CDC40: variants seen among roughly 807,000 people sequenced by gnomAD.
The protein encoded by CDC40 is cell division cycle 40, also known as pre-mRNA-processing factor 17.
A neutral mutation model predicts 80.6 loss-of-function variants in CDC40; 27 were observed. The ratio of observed to expected loss-of-function variants is 0.33; its 90% confidence interval spans 0.25 to 0.46. The LOEUF is 0.46. CDC40 is among the 20% of genes least tolerant of loss of function. The pLI, the probability that CDC40 is intolerant of heterozygous loss-of-function variation, is 1.00. For synonymous variants in CDC40, 221 were observed against 232.6 expected (o/e 0.95, Z 0.45); for missense variants, 486 against 694.1 (o/e 0.70, Z 3.37).
chr6:110,226,096 T>C, intron 12 of CDC40, 71 bp from the exon 13 acceptor site: 3 of 782,218 alleles, frequency 3.8e-6, no homozygotes, highest in Non-Finnish European at 6.7e-6. Flanking sequence ...TATTATTCCT[T>C]TGTTCCAGAG....
At chr6:110,220,735 GCA>G (rs1554208753) in intron 12 of CDC40, among the ~76,000 whole-genome samples, 17 of 152,208 alleles carry the variant, frequency 1.1e-4, no homozygotes, top group East Asian at 5.8e-4. Flanking sequence ...GTGAGCCACT[GCA>G]CCCAGCCAGA....
intron 1 of CDC40, among the ~76,000 whole-genome samples, chr6:110,188,388 C>G (rs144174040): frequency 1.3e-5 from 2 of 152,102 alleles, no homozygotes; most frequent in Non-Finnish European, 2.9e-5. Context: ...AACCTGTTAA[C>G]TTTATAGTAC....
In CDC40 at chr6:110,230,091, T is replaced by C; in HGVS notation, c.1700T>C (p.Ile567Thr). The change falls in exon 15 of 15, where the codon ATA (isoleucine) becomes ACA (threonine). Residue 567 changes from isoleucine (I) to threonine (T), a missense_variant. Around this residue, in one of 3 missense-constraint regions of CDC40, gnomAD observed 88 missense variants for 138.7 expected, o/e 0.63. Coordinates refer to ENST00000307731, the MANE Select transcript of CDC40 (RefSeq NM_015891.3). ...CATCCTCATGAAACTTCTAAGGTCA[T>C]AACATGTGGTTGGGATGGTCTCATT... ...VWHPHETSKV[I>T]TCGWDGLIKL... The C allele has an allele frequency of 6.2e-7, 1 of 1,612,598 alleles. No homozygotes were observed. Among genetic ancestry groups the C allele is most frequent in the African/African-American group, 1.3e-5 (1 of 75,006 alleles).
intron 1 of CDC40, among the ~76,000 whole-genome samples, chr6:110,189,405 A>G (rs773067363): frequency 6.6e-6 from 1 of 152,326 alleles, no homozygotes; most frequent in South Asian, 2.1e-4. Flanking sequence ...TAGGCACACA[A>G]TCAAAATCTG....
chr6:110,181,049 T>C (rs1488538412), intron 1 of CDC40, among the ~76,000 whole-genome samples: 4 of 152,224 alleles, frequency 2.6e-5, no homozygotes, highest in East Asian at 3.9e-4. Context: ...TGTGTGAACT[T>C]GGACAAGTTA....
intron 13 of CDC40, 51 bp from the exon 14 acceptor site, chr6:110,228,781 T>A (rs751843640): frequency 5.7e-5 from 82 of 1,445,898 alleles, no homozygotes; most frequent in Non-Finnish European, 7.5e-5. Flanking sequence ...TAAAAAGTTT[T>A]AAAAATTGTT....
chr6:110,208,151 A>G (rs545344889), intron 4 of CDC40, among the ~76,000 whole-genome samples: 2 of 152,338 alleles, frequency 1.3e-5, no homozygotes, highest in South Asian at 4.1e-4. Flanking sequence ...ATGCAATTTA[A>G]AAAGTAATTT....
chr6:110,188,661 C>T (rs554583070), intron 1 of CDC40, among the ~76,000 whole-genome samples: 1 of 152,278 alleles, frequency 6.6e-6, no homozygotes, highest in African/African-American at 2.4e-5. Context: ...CTCAGCCAAA[C>T]AGATGTACCA....
In CDC40 at chr6:110,228,767, A is replaced by AAAAT. The variant is rs556548013; in HGVS notation, c.1418-61_1418-58dup. 575 of 1,289,136 alleles carry AAAAT rather than the reference A, an allele frequency of 4.5e-4. 6 individuals carry two copies. In the African/African-American group the frequency reaches 8.0e-3, roughly 18 times the overall value. 79.9% of individuals were successfully genotyped at this position (1,289,136 alleles called of 1,614,324 possible). A position where few individuals can be genotyped will look rare whatever the true frequency, so the allele number is the denominator to read the frequency against. On this transcript the variant is annotated intron_variant, in intron 13 of 14. Transcript: ENST00000307731. The stretch of plus-strand genomic sequence containing the variant: ...TATATTAATCACAGTGAACATATTT[A>AAAAT]AAATAAAAAGTTTTAAAAATTGTTT...
At position 110,216,220 on chromosome 6, in the gene CDC40, C is replaced by G. The variant is rs189445595; in HGVS notation, c.988+889C>G. 3.7e-4 allele frequency among the ~76,000 whole-genome samples: 56 copies of G among 152,244 alleles called. No homozygotes were observed. The East Asian group carries it at 8.9e-3, about 24-fold the overall frequency. On this transcript the variant is annotated intron_variant, in intron 9 of 14. Transcript: ENST00000307731. ...AAGGGAGGACAGCTTTGTGACAAAC[C>G]AGATTTTTGGTAGAGAAAGGTTTAT...
intron 2 of CDC40, chr6:110,198,918 G>A (rs942346895): frequency 6.6e-6 from 1 of 152,120 alleles, no homozygotes; most frequent in African/African-American, 2.4e-5. Flanking sequence ...AGAACTAAGC[G>A]AGTTGCATAT....
intron 3 of CDC40, among the ~76,000 whole-genome samples, 185 bp from the exon 4 acceptor site, chr6:110,207,314 CAAAAAAA>C (rs869177206): frequency 0.023 from 1,226 of 52,530 alleles, 27 homozygotes; most frequent in African/African-American, 0.064. Context: ...GACCCTATCT[CAAAAAAA>C]AAAAAAAAAA....
chr6:110,182,173 T>C (rs1454079837), intron 1 of CDC40, among the ~76,000 whole-genome samples: 1 of 152,242 alleles, frequency 6.6e-6, no homozygotes, highest in Non-Finnish European at 1.5e-5. Flanking sequence ...TTTGCTGATC[T>C]GTAAAGTAGG....
intron 8 of CDC40, 79 bp downstream of exon 8, chr6:110,213,239 T>G (rs894988480): frequency 7.9e-6 from 8 of 1,017,466 alleles, no homozygotes; most frequent in Non-Finnish European, 1.2e-5. Context: ...ATAAATAAAT[T>G]TGGGTTTGTT....
At chr6:110,224,756 G>A (rs570046617) in intron 12 of CDC40, among the ~76,000 whole-genome samples, 2 of 152,252 alleles carry the variant, frequency 1.3e-5, no homozygotes, top group South Asian at 4.1e-4. Flanking sequence ...AGTCCACCGG[G>A]TAGTTCAAAT....
At position 110,180,512 on chromosome 6, in the gene CDC40, A is replaced by T; in HGVS notation, c.68A>T (p.Asp23Val). ...GSGSGSESDS[D>V]SESSRCPLPA... ...GGTTCAGGGTCCGAATCGGACTCGGACAGTGAGAGCAGTCGGTGTCCGCTG... is the reference window on the plus strand; with the variant it reads ...GGTTCAGGGTCCGAATCGGACTCGGTCAGTGAGAGCAGTCGGTGTCCGCTG... The change falls in exon 1 of 15, where the codon GAC becomes GTC. Residue 23 changes from aspartate to valine, a missense_variant. Physicochemically the swap from Asp to Val is radical, Grantham distance 152. Coordinates refer to ENST00000307731, the MANE Select transcript of CDC40 (RefSeq NM_015891.3). The T allele has an allele frequency of 6.2e-7, 1 of 1,614,166 alleles. No homozygotes were observed. The highest frequency in any genetic ancestry group is 8.5e-7 in the Non-Finnish European group (1 of 1,180,026).
intron 13 of CDC40, among the ~76,000 whole-genome samples, chr6:110,226,896 T>G (rs1396111526): frequency 6.6e-6 from 1 of 152,096 alleles, no homozygotes; most frequent in Non-Finnish European, 1.5e-5. Flanking sequence ...GGTGCACATT[T>G]GTAGCCCTAG....
chr6:110,222,816 A>G (rs1020940343), intron 12 of CDC40, among the ~76,000 whole-genome samples: 2 of 152,220 alleles, frequency 1.3e-5, no homozygotes, highest in Non-Finnish European at 2.9e-5. Flanking sequence ...CTGGCACACA[A>G]TAGTGCTGAA....
intron 1 of CDC40, among the ~76,000 whole-genome samples, chr6:110,187,226 A>C (rs573121708): frequency 6.6e-6 from 1 of 152,348 alleles, no homozygotes; most frequent in African/African-American, 2.4e-5. Flanking sequence ...AAGGTTTTGC[A>C]CTTTAGAAAT....
Sources: allele counts gnomAD v4.1 joint callset (sites outside exome capture counted in the v4.1 genomes callset), GRCh38; gene constraint gnomAD v4.1.1; regional missense constraint gnomAD v4.1.1; transcripts MANE v1.5; gene names NCBI Gene and HGNC (gene_info 2026-07-23, HGNC 2026-07-21).